Variants in VWC2L observed in about 807,000 individuals in gnomAD.
VWC2L encodes von Willebrand factor C domain-containing protein 2-like.
A neutral mutation model predicts 21.6 loss-of-function variants in VWC2L; 10 were observed. The observed-to-expected ratio is 0.46, with a 90% CI of 0.29 to 0.78. The LOEUF is 0.78. Ranked by LOEUF, VWC2L falls within the 30% of genes least tolerant of loss-of-function variation. The pLI is 0.10. For synonymous variants in VWC2L, 96 were observed against 94.3 expected, an observed-to-expected ratio of 1.02 and a Z score of -0.10; for missense variants, 209 against 277.1, an observed-to-expected ratio of 0.75 and a Z score of 1.74.
chr2:214,565,620 T>C lies in VWC2L; in HGVS notation c.521-10052T>C, dbSNP rs144209405. ...GACATGAACAAGATTAATTTCTTCA[T>C]TGATGTCTTGACATTTTTTTAATAA... On this transcript the variant is annotated intron_variant, in intron 3 of 3. Transcript: ENST00000312504. 4.6e-5 allele frequency among the ~76,000 whole-genome samples: 7 copies of C among 152,336 alleles called. No homozygotes were observed. In the East Asian group the frequency reaches 9.6e-4, roughly 21 times the overall value.
At chr2:214,445,819 AAAC>A (rs1354456801) in intron 3 of VWC2L, among the ~76,000 whole-genome samples, 3 of 152,082 alleles carry the variant, frequency 2.0e-5, no homozygotes, top group African/African-American at 7.2e-5. Context: ...TTACTAAAAA[AAAC>A]AATAGCATGT....
At chr2:214,514,921 GCA>G (rs1446283405) in intron 3 of VWC2L, among the ~76,000 whole-genome samples, 2 of 152,222 alleles carry the variant, frequency 1.3e-5, no homozygotes, top group Non-Finnish European at 2.9e-5. Context: ...TGCTGCCAGT[GCA>G]GTTACATACA....
At chr2:214,475,745 CA>C (rs61274953) in intron 3 of VWC2L, among the ~76,000 whole-genome samples, 34,336 of 142,510 alleles carry the variant, frequency 0.24, 4,526 homozygotes, top group African/African-American at 0.39. Flanking sequence ...AATGTTGGCT[CA>C]AAAAAAAAAA....
At chr2:214,546,441 G>A (rs1370385392) in intron 3 of VWC2L, among the ~76,000 whole-genome samples, 1 of 152,108 alleles carries the variant, frequency 6.6e-6, no homozygotes, top group East Asian at 1.9e-4. Context: ...GTGGGGGCAT[G>A]CAAAAGTACT....
At chr2:214,445,415 TAATATTATAGAAAAA>T (rs1702823462) in intron 3 of VWC2L, among the ~76,000 whole-genome samples, 1 of 151,728 alleles carries the variant, frequency 6.6e-6, no homozygotes, top group Non-Finnish European at 1.5e-5. Flanking sequence ...GCATTTTAAG[TAATATTATAGAAAAA>T]AAAAGCATTT....
intron 3 of VWC2L, among the ~76,000 whole-genome samples, chr2:214,568,551 C>A (rs567763478): frequency 6.6e-6 from 1 of 152,264 alleles, no homozygotes; most frequent in African/African-American, 2.4e-5. Flanking sequence ...GAAAGAGGAG[C>A]AAAGTCACAT....
intron 3 of VWC2L, among the ~76,000 whole-genome samples, chr2:214,518,301 T>C (rs928684138): frequency 6.6e-6 from 1 of 152,232 alleles, no homozygotes; most frequent in African/African-American, 2.4e-5. Flanking sequence ...ATGTAGTATG[T>C]ATAACAATAT....
chr2:214,509,930 A>C (rs1388249874), intron 3 of VWC2L, among the ~76,000 whole-genome samples: 6 of 152,246 alleles, frequency 3.9e-5, no homozygotes, highest in Admixed American at 2.0e-4. Flanking sequence ...ATGCCATATT[A>C]AAATGAAAGT....
chr2:214,459,868 C>CCTCT (rs1160958045), intron 3 of VWC2L, among the ~76,000 whole-genome samples: 2 of 149,576 alleles, frequency 1.3e-5, no homozygotes, highest in Non-Finnish European at 3.0e-5. Flanking sequence ...TAGATGCTTT[C>CCTCT]CTCTTGTTTC....
At chr2:214,509,716 A>G (rs1346731888) in intron 3 of VWC2L, among the ~76,000 whole-genome samples, 1 of 152,146 alleles carries the variant, frequency 6.6e-6, no homozygotes, top group Non-Finnish European at 1.5e-5. Context: ...GTAACCCCTT[A>G]CTGCAGAATT....
At chr2:214,528,782 T>G (rs183770512) in intron 3 of VWC2L, among the ~76,000 whole-genome samples, 1 of 152,210 alleles carries the variant, frequency 6.6e-6, no homozygotes. Context: ...GAAAGGAAAC[T>G]GCAGAATACC....
At chr2:214,519,838 G>A (rs549434830) in intron 3 of VWC2L, among the ~76,000 whole-genome samples, 46 of 152,042 alleles carry the variant, frequency 3.0e-4, no homozygotes, top group Non-Finnish European at 5.6e-4. Context: ...TGATGCCTCT[G>A]CACCACAAGG....
At position 214,575,861 on chromosome 2, in the gene VWC2L, C is replaced by T; in HGVS notation, c.*41C>T. ...AATGATGAGTTCTTAGGAAAGGATG[C>T]TATGGCTTCAACACTGCACATGTTT... On this transcript the variant is annotated 3_prime_UTR_variant, in exon 4 of 4. Coordinates refer to ENST00000312504, the MANE Select transcript of VWC2L (RefSeq NM_001080500.4). 1 of 1,589,764 alleles carries T rather than the reference C, an allele frequency of 6.3e-7. No individual in the cohort carries two copies. Among genetic ancestry groups the T allele is most frequent in the Non-Finnish European group, 8.6e-7 (1 of 1,162,708 alleles).
At chr2:214,519,189 C>T (rs1028822201) in intron 3 of VWC2L, among the ~76,000 whole-genome samples, 1 of 152,206 alleles carries the variant, frequency 6.6e-6, no homozygotes, top group Non-Finnish European at 1.5e-5. Context: ...ATTGCAAAGC[C>T]TGTTCTTTTT....
chr2:214,418,587 G>A (rs935361446), intron 2 of VWC2L, among the ~76,000 whole-genome samples: 3 of 152,134 alleles, frequency 2.0e-5, no homozygotes, highest in Non-Finnish European at 2.9e-5. Context: ...CGAGGCTAGC[G>A]ACACTGTTTT....
chr2:214,539,441 T>C (rs1435320017), intron 3 of VWC2L, among the ~76,000 whole-genome samples: 1 of 152,204 alleles, frequency 6.6e-6, no homozygotes, highest in Admixed American at 6.6e-5. Context: ...GCTAAAATCC[T>C]GTGTGTAGCT....
In VWC2L at chr2:214,575,587, T is replaced by C. The variant is rs1690217142; in HGVS notation, c.521-85T>C. The C allele has an allele frequency of 2.0e-6, 3 of 1,491,652 alleles. No individual in the cohort carries two copies. In the East Asian group the frequency reaches 6.9e-5, roughly 34 times the overall value. The allele number at this position is 1,491,652 out of a possible 1,614,324, so 92.4% of individuals were successfully genotyped here. A position where few individuals can be genotyped will look rare whatever the true frequency, so the allele number is the denominator to read the frequency against. ...TAGAGTAGTCTGACTTACTCATTTA[T>C]GGCTTTGGGGCTTGGGTTTGGATGG... On this transcript the variant is annotated intron_variant, in intron 3 of 3. Transcript: ENST00000312504.
intron 3 of VWC2L, among the ~76,000 whole-genome samples, chr2:214,439,302 G>T (rs1048933311): frequency 4.6e-5 from 7 of 151,870 alleles, no homozygotes; most frequent in Non-Finnish European, 7.4e-5. Flanking sequence ...AGTATAACTG[G>T]AATAACTTAA....
intron 3 of VWC2L, among the ~76,000 whole-genome samples, chr2:214,563,027 T>C (rs1461787621): frequency 6.6e-6 from 1 of 152,184 alleles, no homozygotes; most frequent in Non-Finnish European, 1.5e-5. Context: ...ATGAAATCTT[T>C]CCCTTGCCTG....
Sources: gnomAD v4.1 joint callset for allele counts (sites outside exome capture counted in the v4.1 genomes callset) on GRCh38, gnomAD v4.1.1 for gene constraint, MANE v1.5 for transcripts, NCBI Gene and HGNC (gene_info 2026-07-23, HGNC 2026-07-21) for gene names.